Variants in DCLK1 observed in about 807,000 individuals in gnomAD.
DCLK1 encodes the protein doublecortin like kinase 1.
Under a neutral mutation model 86.2 loss-of-function variants are expected in DCLK1, and 16 were observed. That is an observed-to-expected ratio of 0.19 (90% CI 0.13 to 0.28). DCLK1 has a LOEUF of 0.28. Among genes scored for constraint, DCLK1 ranks in the 10% least tolerant of loss-of-function variants. The probability of loss-of-function intolerance (pLI) is 1.00; values close to 1 mark genes in which losing one functional copy is unlikely to be tolerated. For missense variants in DCLK1, 590 were observed against 940.2 expected (o/e 0.63, Z 4.87); for synonymous variants, 369 against 370.5 (o/e 1.00, Z 0.05).
chr13:35,914,338 T>A (rs9574909), intron 4 of DCLK1, among the ~76,000 whole-genome samples: 61 of 26,144 alleles, frequency 2.3e-3, no homozygotes, highest in East Asian at 7.2e-3. Context: ...AAAAAATATA[T>A]ATATATATAT....
chr13:35,955,484 C>T (rs1345388470), intron 3 of DCLK1, among the ~76,000 whole-genome samples: 1 of 152,076 alleles, frequency 6.6e-6, no homozygotes, highest in Admixed American at 6.6e-5. Flanking sequence ...CCCTTGTAAC[C>T]TAATGGCCTA....
chr13:35,897,327 A>G (rs1048018333), intron 4 of DCLK1, among the ~76,000 whole-genome samples: 1 of 152,252 alleles, frequency 6.6e-6, no homozygotes, highest in Non-Finnish European at 1.5e-5. Context: ...CAAGGAAACC[A>G]GACAGGGGCC....
At chr13:35,833,594 A>C (rs989223840) in intron 8 of DCLK1, among the ~76,000 whole-genome samples, 4 of 152,194 alleles carry the variant, frequency 2.6e-5, no homozygotes, top group African/African-American at 7.2e-5. Context: ...GACCACAGAA[A>C]GACATCGTTA....
chr13:36,074,834 G>A (rs2153162260), intron 3 of DCLK1, among the ~76,000 whole-genome samples: 1 of 152,310 alleles, frequency 6.6e-6, no homozygotes, highest in South Asian at 2.1e-4. Flanking sequence ...AGCTCCTTAT[G>A]CTTTGTGCAG....
rs749567335 is a variant in DCLK1 at position 35,918,892 on chromosome 13, G to GTTTTT, written c.823+28461_823+28465dup. Among the ~76,000 whole-genome samples the GTTTTT allele has an allele frequency of 2.0e-4, 15 of 76,324 alleles. 2 individuals are homozygous for GTTTTT. Among genetic ancestry groups the GTTTTT allele is most frequent in the East Asian group, 3.8e-4 (1 of 2,638 alleles). 50.1% of individuals were successfully genotyped at this position (76,324 alleles called of 152,430 possible). Reference sequence around the variant, plus strand: ...AAAAAGAAATCTTCCTTCTGAGTGTGTTTTTTTTTTTTTTTTTGGAAACGG... The same window carrying GTTTTT: ...AAAAAGAAATCTTCCTTCTGAGTGTGTTTTTTTTTTTTTTTTTTTTTTGGAAACGG... On this transcript the variant is annotated intron_variant, in intron 4 of 16. Transcript: ENST00000360631.
chr13:35,810,723 A>C (rs527528096), intron 12 of DCLK1, 112 bp downstream of exon 12: 1 of 1,317,604 alleles, frequency 7.6e-7, no homozygotes, highest in Non-Finnish European at 1.0e-6. Context: ...GAGTGGAAGA[A>C]ACCTGATAGC....
intron 5 of DCLK1, among the ~76,000 whole-genome samples, chr13:35,869,544 C>T (rs966565508): frequency 2.6e-5 from 4 of 152,232 alleles, no homozygotes. Context: ...GAAGTCATCT[C>T]TGTCATGCCA....
rs115749825 is a variant in DCLK1 at position 36,057,523 on chromosome 13, C to T, written c.723+54346G>A. ...CAAAAAATAAAAATTCCATTGTAAA[C>T]CTCTTAGGGCAGAGAGATGAACTGC... On this transcript the variant is annotated intron_variant, in intron 3 of 16. Coordinates refer to ENST00000360631, the MANE Select transcript of DCLK1 (RefSeq NM_001330071.2). 3.3e-3 allele frequency among the ~76,000 whole-genome samples: 506 copies of T among 152,276 alleles called. 1 individual carries two copies. The highest frequency in any genetic ancestry group is 0.012 in the African/African-American group (481 of 41,560).
At chr13:35,905,677 G>T (rs1297735853) in intron 4 of DCLK1, among the ~76,000 whole-genome samples, 1 of 152,208 alleles carries the variant, frequency 6.6e-6, no homozygotes, top group East Asian at 1.9e-4. Context: ...CAGGTGTGGT[G>T]GCTCACGCCT....
intron 3 of DCLK1, among the ~76,000 whole-genome samples, chr13:36,041,799 T>C (rs1176393008): frequency 6.6e-6 from 1 of 152,210 alleles, no homozygotes; most frequent in Non-Finnish European, 1.5e-5. Flanking sequence ...CCACTCACTT[T>C]AATGAAATTT....
chr13:35,908,685 C>CAGT (rs1874819959), intron 4 of DCLK1, among the ~76,000 whole-genome samples: 1 of 152,192 alleles, frequency 6.6e-6, no homozygotes, highest in Non-Finnish European at 1.5e-5. Context: ...GCCCAGGCTT[C>CAGT]AGTGCAATGG....
At chr13:35,793,986 G>C (rs1190956721) in intron 15 of DCLK1, among the ~76,000 whole-genome samples, 1 of 152,108 alleles carries the variant, frequency 6.6e-6, no homozygotes, top group Non-Finnish European at 1.5e-5. Flanking sequence ...AAAATTCCAG[G>C]CAGCCTTCCA....
At chr13:36,063,416 T>C (rs1003915232) in intron 3 of DCLK1, among the ~76,000 whole-genome samples, 1 of 152,144 alleles carries the variant, frequency 6.6e-6, no homozygotes, top group Non-Finnish European at 1.5e-5. Context: ...CACTAGATCA[T>C]GGCTTCAGTT....
intron 3 of DCLK1, among the ~76,000 whole-genome samples, chr13:36,089,883 T>C (rs1261146915): frequency 6.6e-6 from 1 of 152,224 alleles, no homozygotes; most frequent in Non-Finnish European, 1.5e-5. Context: ...AGCTTTTTAC[T>C]CTCCTGGTGA....
intron 15 of DCLK1, among the ~76,000 whole-genome samples, chr13:35,803,697 C>T (rs2086968045): frequency 6.6e-6 from 1 of 152,150 alleles, no homozygotes; most frequent in African/African-American, 2.4e-5. Context: ...ATGCCTTGAC[C>T]TCAAGCTTTT....
chr13:35,775,182 C>G (rs565214905), intron 16 of DCLK1, among the ~76,000 whole-genome samples: 18 of 152,266 alleles, frequency 1.2e-4, no homozygotes, highest in South Asian at 4.1e-4. Flanking sequence ...TCATCCTGTT[C>G]TTTTAGCACC....
intron 4 of DCLK1, among the ~76,000 whole-genome samples, chr13:35,940,981 T>C (rs1877048981): frequency 6.6e-6 from 1 of 152,126 alleles, no homozygotes. Flanking sequence ...CAGTTTCGAA[T>C]GTGCTTTGAC....
chr13:35,832,240 C>T (rs776190901), intron 8 of DCLK1, among the ~76,000 whole-genome samples: 6 of 152,110 alleles, frequency 3.9e-5, no homozygotes, highest in Admixed American at 1.3e-4. Flanking sequence ...TTTGAGACTG[C>T]AATGAGCTAT....
chr13:35,858,348 C>T (rs1566571693), intron 5 of DCLK1, among the ~76,000 whole-genome samples: 1 of 152,172 alleles, frequency 6.6e-6, no homozygotes, highest in African/African-American at 2.4e-5. Flanking sequence ...AGTTTGGACA[C>T]TTTGAACGGA....
Sources: allele counts gnomAD v4.1 joint callset (sites outside exome capture counted in the v4.1 genomes callset), GRCh38; gene constraint gnomAD v4.1.1; transcripts MANE v1.5; gene names NCBI Gene and HGNC (gene_info 2026-07-23, HGNC 2026-07-21).